Variants in MBNL2 observed in about 807,000 individuals in gnomAD.
MBNL2 encodes the protein muscleblind like splicing regulator 2.
In MBNL2, 17 loss-of-function variants were observed where a neutral mutation model predicts 41.9. That is an observed-to-expected ratio of 0.41 (90% CI 0.28 to 0.61). The LOEUF is 0.61. MBNL2 is among the 20% of genes least tolerant of loss of function. The pLI is 0.35. For missense variants in MBNL2, 336 were observed against 505.6 expected (o/e 0.66, Z 3.22); for synonymous variants, 195 against 182.9 (o/e 1.07, Z -0.53).
chr13:97,297,423 T>TA (rs2152992578), intron 2 of MBNL2, among the ~76,000 whole-genome samples: 1 of 152,280 alleles, frequency 6.6e-6, no homozygotes, highest in East Asian at 1.9e-4. Flanking sequence ...CTTGTGGGCT[T>TA]AACCCCAGTC....
At chr13:97,348,929 G>C (rs887973678) in intron 5 of MBNL2, among the ~76,000 whole-genome samples, 1 of 152,186 alleles carries the variant, frequency 6.6e-6, no homozygotes, top group Non-Finnish European at 1.5e-5. Flanking sequence ...AGCGAGAAAG[G>C]CACCATCTGC....
chr13:97,150,273 T>G, the MBNL2 span, among the ~76,000 whole-genome samples: 6 of 152,294 alleles, frequency 3.9e-5, no homozygotes, highest in South Asian at 1.0e-3. Flanking sequence ...CCTCCTCACT[T>G]TTTGGAGCTG....
chr13:97,145,715 A>G, the MBNL2 span, among the ~76,000 whole-genome samples: 3 of 152,360 alleles, frequency 2.0e-5, no homozygotes, highest in East Asian at 5.8e-4. Context: ...CAGTGTAACT[A>G]TATTATGAAA....
chr13:97,327,493 A>G (rs1158952369), intron 2 of MBNL2, among the ~76,000 whole-genome samples: 1 of 150,052 alleles, frequency 6.7e-6, no homozygotes, highest in East Asian at 1.9e-4. Context: ...AGATATAGGA[A>G]CAGGATCACC....
the MBNL2 span, among the ~76,000 whole-genome samples, chr13:97,165,817 G>T: frequency 6.6e-6 from 1 of 152,170 alleles, no homozygotes; most frequent in Non-Finnish European, 1.5e-5. Context: ...ATGCCACCTT[G>T]TCTAGTCTCT....
the MBNL2 span, among the ~76,000 whole-genome samples, chr13:97,198,455 C>T: frequency 2.0e-5 from 3 of 150,080 alleles, no homozygotes; most frequent in African/African-American, 7.3e-5. Context: ...GCTGGCAAGC[C>T]CCAAGATCTG....
the MBNL2 span, chr13:97,172,923 T>A: frequency 6.6e-6 from 1 of 152,080 alleles, no homozygotes; most frequent in South Asian, 2.1e-4. Flanking sequence ...AATATATAGA[T>A]ATATATGTAA....
intron 1 of MBNL2, among the ~76,000 whole-genome samples, chr13:97,233,744 G>C (rs955399330): frequency 1.3e-5 from 2 of 151,510 alleles, no homozygotes; most frequent in Admixed American, 1.3e-4. Flanking sequence ...CAAAGGGACT[G>C]GCTGCCTCTG....
chr13:97,309,272 G>A (rs936557781), intron 2 of MBNL2, among the ~76,000 whole-genome samples: 42 of 152,150 alleles, frequency 2.8e-4, no homozygotes, highest in African/African-American at 9.4e-4. Context: ...GCATTCAAGG[G>A]CAGTTGCATC....
At chr13:97,344,764 T>G (rs892334834) in intron 4 of MBNL2, among the ~76,000 whole-genome samples, 1 of 152,246 alleles carries the variant, frequency 6.6e-6, no homozygotes, top group African/African-American at 2.4e-5. Flanking sequence ...AGTATGTGAC[T>G]GTACTTTAGA....
chr13:97,234,157 G>C (rs112265025), intron 1 of MBNL2, among the ~76,000 whole-genome samples: 14,429 of 152,128 alleles, frequency 0.095, 1,136 homozygotes, highest in African/African-American at 0.22. Flanking sequence ...ATAACATTTT[G>C]TTAGAAAATT....
At chr13:97,235,760 C>T (rs2043157759) in intron 1 of MBNL2, among the ~76,000 whole-genome samples, 1 of 152,154 alleles carries the variant, frequency 6.6e-6, no homozygotes, top group African/African-American at 2.4e-5. Flanking sequence ...GGGCCCAGAG[C>T]TGCAGACGCT....
rs1009982141 is a variant in MBNL2, at chr13:97,268,987, C to A, written c.-604-6645C>A. Among the ~76,000 whole-genome samples, 1 of 152,126 alleles carries A rather than the reference C, an allele frequency of 6.6e-6. No homozygotes were observed. The highest frequency in any genetic ancestry group is 2.4e-5 in the African/African-American group (1 of 41,426). ...ATGCAGGCCCGTGAGGAGGGCCTGC[C>A]GGAGGGTGGCTCAGCTGAACCTTCC... On this transcript the variant is annotated intron_variant, in intron 1 of 8. Coordinates refer to ENST00000679496, the MANE Select transcript of MBNL2 (RefSeq NM_001382683.1). This position sits in a 1 kb window ranked among gnomAD's most constrained non-coding sequence, Gnocchi z 4.6.
rs532668326 is a variant in MBNL2, at chr13:97,251,342, T to G, written c.-604-24290T>G. Reference sequence around the variant, plus strand: ...CCTGATGTGATTATTACACATTGCATGCCTGTATCAAAGTATCTCATGTAC... The same window carrying G: ...CCTGATGTGATTATTACACATTGCAGGCCTGTATCAAAGTATCTCATGTAC... On this transcript the variant is annotated intron_variant, in intron 1 of 8. Transcript: ENST00000679496. 8.5e-5 allele frequency among the ~76,000 whole-genome samples: 13 copies of G among 152,108 alleles called. No individual in the cohort carries two copies. The South Asian group carries it at 2.5e-3, about 29-fold the overall frequency.
the MBNL2 span, among the ~76,000 whole-genome samples, chr13:97,184,469 C>G: frequency 5.9e-5 from 9 of 152,144 alleles, no homozygotes; most frequent in Non-Finnish European, 1.3e-4. Flanking sequence ...ACCATCCCAT[C>G]CTTCCGTGTT....
intron 1 of MBNL2, among the ~76,000 whole-genome samples, chr13:97,232,906 A>G (rs1177375660): frequency 6.9e-6 from 1 of 145,258 alleles, no homozygotes; most frequent in Non-Finnish European, 1.5e-5. Flanking sequence ...CGTACACTGA[A>G]TGAACTTAAA....
intron 1 of MBNL2, among the ~76,000 whole-genome samples, chr13:97,260,963 T>C (rs1200646218): frequency 6.6e-6 from 1 of 152,150 alleles, no homozygotes; most frequent in Non-Finnish European, 1.5e-5. Context: ...TCAGTAAGTG[T>C]TTGTTCTGAG....
At chr13:97,384,777 A>G (rs1330251537) in intron 8 of MBNL2, among the ~76,000 whole-genome samples, 1 of 152,182 alleles carries the variant, frequency 6.6e-6, no homozygotes, top group Non-Finnish European at 1.5e-5. Context: ...AATATCTTTA[A>G]CTGCCTTCTG....
At chr13:97,169,421 G>A in the MBNL2 span, among the ~76,000 whole-genome samples, 1 of 152,160 alleles carries the variant, frequency 6.6e-6, no homozygotes, top group Non-Finnish European at 1.5e-5. Context: ...AAAATGGATG[G>A]TTTAATTTCT....
Sources: allele counts gnomAD v4.1 joint callset (sites outside exome capture counted in the v4.1 genomes callset), GRCh38; gene constraint gnomAD v4.1.1; non-coding constraint Gnocchi (gnomAD v3.1); transcripts MANE v1.5; gene names NCBI Gene and HGNC (gene_info 2026-07-23, HGNC 2026-07-21).